The following GREB1L variants were observed in gnomAD, a reference collection of about 807,000 sequenced individuals.
GREB1L encodes GREB1 like retinoic acid receptor coactivator, also known as GREB1-like protein.
In GREB1L, 17 loss-of-function variants were observed where a neutral mutation model predicts 200.8. That is an observed-to-expected ratio of 0.08 (90% CI 0.06 to 0.13). The LOEUF is 0.13. Among genes scored for constraint, GREB1L ranks in the 10% least tolerant of loss-of-function variants. GREB1L has a pLI of 1.00. For synonymous variants in GREB1L, 789 were observed against 893.0 expected (o/e 0.88, Z 2.08); for missense variants, 1,657 against 2,367.7 (o/e 0.70, Z 6.23).
chr18:21,420,237 T>G (rs1350724546), intron 7 of GREB1L, among the ~76,000 whole-genome samples: 2 of 151,942 alleles, frequency 1.3e-5, no homozygotes, highest in Non-Finnish European at 2.9e-5. Context: ...CCAGGCATGG[T>G]GGCGGGTGCC....
At chr18:21,429,561 GCTCCTCCTTCTA>G (rs2032983114) in intron 7 of GREB1L, among the ~76,000 whole-genome samples, 1 of 151,896 alleles carries the variant, frequency 6.6e-6, no homozygotes, top group Non-Finnish European at 1.5e-5. Flanking sequence ...GTTGGGAAAT[GCTCCTCCTTCTA>G]CTTTTTGAAA....
chr18:21,469,815 A>C (rs1303456553), intron 15 of GREB1L, among the ~76,000 whole-genome samples: 1 of 152,128 alleles, frequency 6.6e-6, no homozygotes, highest in Non-Finnish European at 1.5e-5. Flanking sequence ...TTTTTCTGGT[A>C]ATTACACAAT....
At position 21,428,332 on chromosome 18, in the gene GREB1L, C is replaced by CTTTTTTTTTTT. The variant is rs59982674; in HGVS notation, c.833-11173_833-11163dup. On this transcript the variant is annotated intron_variant, in intron 7 of 32. Coordinates refer to ENST00000424526, the MANE Select transcript of GREB1L (RefSeq NM_001142966.3). The stretch of plus-strand genomic sequence containing the variant: ...TTATTTTGGGTTTTTGTCTTTTTGT[C>CTTTTTTTTTTT]TTTTTTTTTTTTTTTTTTTTTTTTT... Among the ~76,000 whole-genome samples the CTTTTTTTTTTT allele has an allele frequency of 1.5e-3, 81 of 54,032 alleles. 1 individual carries two copies. The highest frequency in any genetic ancestry group is 2.1e-3 in the Non-Finnish European group (59 of 27,982). 35.4% of individuals were successfully genotyped at this position (54,032 alleles called of 152,430 possible). A position where few individuals can be genotyped will look rare whatever the true frequency, so the allele number is the denominator to read the frequency against.
At position 21,282,266 on chromosome 18, in the gene GREB1L, C is replaced by G. The variant is rs1226932151; in HGVS notation, c.-120+39873C>G. Among the ~76,000 whole-genome samples the G allele has an allele frequency of 2.6e-5, 4 of 152,050 alleles. No homozygotes were observed. In the South Asian group the frequency reaches 6.2e-4, roughly 24 times the overall value. On this transcript the variant is annotated intron_variant, in intron 1 of 32. Transcript: ENST00000424526. ...TCCAGCCTGGGCAACAGAGCAAGAC[C>G]CCATCTCTTAAAAAAAAATTATGGT...
intron 18 of GREB1L, 69 bp from the exon 19 acceptor site, chr18:21,489,943 A>C (rs1239842954): frequency 8.8e-6 from 10 of 1,132,400 alleles, no homozygotes; most frequent in Non-Finnish European, 1.3e-5. Context: ...CTGCATTCTT[A>C]CTGCACAGGC....
intron 14 of GREB1L, among the ~76,000 whole-genome samples, chr18:21,453,544 G>A (rs1428841784): frequency 1.3e-5 from 2 of 152,228 alleles, no homozygotes; most frequent in African/African-American, 4.8e-5. Flanking sequence ...CTTTCATTGT[G>A]TGTGTGGATG....
rs140392594 is a variant in GREB1L, at chr18:21,465,883, G to A, written c.2183-7148G>A. Among the ~76,000 whole-genome samples the A allele has an allele frequency of 7.8e-4, 119 of 152,136 alleles. 2 individuals are homozygous for A. In the South Asian group the frequency reaches 0.013, roughly 17 times the overall value. On this transcript the variant is annotated intron_variant, in intron 15 of 32. Transcript: ENST00000424526. ...ATGGAAGACTGTTCCTCCCTGGTGC[G>A]CCTCCTTGATGCTAATGTCCCTCTC... is the stretch of plus-strand genomic sequence containing the variant.
chr18:21,306,354 C>CTA (rs1393551658), intron 1 of GREB1L, among the ~76,000 whole-genome samples: 1 of 152,152 alleles, frequency 6.6e-6, no homozygotes, highest in Non-Finnish European at 1.5e-5. Flanking sequence ...ATTAAGTGGT[C>CTA]TATGGGCAAG....
chr18:21,409,040 T>G (rs11662084), intron 7 of GREB1L, among the ~76,000 whole-genome samples: 45 of 152,220 alleles, frequency 3.0e-4, no homozygotes, highest in Non-Finnish European at 5.9e-4. Flanking sequence ...CCAAGAGAAA[T>G]GAAAATATAT....
chr18:21,401,407 C>T, intron 6 of GREB1L, 81 bp downstream of exon 6: 1 of 1,174,122 alleles, frequency 8.5e-7, no homozygotes, highest in Non-Finnish European at 1.2e-6. Flanking sequence ...ATTCAGAGTT[C>T]AGGTGGGATA....
intron 4 of GREB1L, among the ~76,000 whole-genome samples, chr18:21,392,944 G>C (rs1045822616): frequency 1.3e-5 from 2 of 151,802 alleles, no homozygotes; most frequent in African/African-American, 4.8e-5. Flanking sequence ...ACTAATTTTT[G>C]TATTTTTTTG....
intron 12 of GREB1L, among the ~76,000 whole-genome samples, chr18:21,450,159 A>G (rs1351003972): frequency 1.3e-5 from 2 of 152,268 alleles, no homozygotes; most frequent in Non-Finnish European, 2.9e-5. Flanking sequence ...TGATAAAGCC[A>G]GTGCCACAGG....
At chr18:21,428,424 G>A (rs1360733132) in intron 7 of GREB1L, among the ~76,000 whole-genome samples, 3 of 141,330 alleles carry the variant, frequency 2.1e-5, no homozygotes, top group African/African-American at 7.9e-5. Flanking sequence ...AGTAGAGGAA[G>A]GTCCCTTCTG....
chr18:21,518,929 G>A (rs914172561), intron 31 of GREB1L, among the ~76,000 whole-genome samples: 1 of 151,964 alleles, frequency 6.6e-6, no homozygotes, highest in Non-Finnish European at 1.5e-5. Context: ...CCTGCCAGAA[G>A]AATATTTTGG....
chr18:21,525,533 C>CAAGA lies in GREB1L; in HGVS notation c.*2713_*2716dup, dbSNP rs2037670785. ...TCAGTCACATTATAGGTTGGACAAC[C>CAAGA]AAGATTAAAGAGGTGTTGAAAACAT... On this transcript the variant is annotated 3_prime_UTR_variant, in exon 33 of 33. Coordinates refer to ENST00000424526, the MANE Select transcript of GREB1L (RefSeq NM_001142966.3). 2 of 152,108 alleles carry CAAGA rather than the reference C, an allele frequency of 1.3e-5. No homozygotes were observed. The highest frequency in any genetic ancestry group is 2.1e-4 in the South Asian group (1 of 4,824). 9.4% of individuals were successfully genotyped at this position (152,108 alleles called of 1,614,324 possible).
rs111409041 is a variant in GREB1L, at chr18:21,487,726, C to T, written c.2690+1973C>T. ...CTATGAAAAGGCAGAGTGGGCTGGG[C>T]GCGGTGGCTCATGCCTGTAATCCCA... On this transcript the variant is annotated intron_variant, in intron 18 of 32. Coordinates refer to ENST00000424526, the MANE Select transcript of GREB1L (RefSeq NM_001142966.3). Among the ~76,000 whole-genome samples the T allele has an allele frequency of 7.9e-3, 1,200 of 152,126 alleles. 20 individuals carry two copies. The highest frequency in any genetic ancestry group is 0.028 in the African/African-American group (1,156 of 41,480).
intron 7 of GREB1L, among the ~76,000 whole-genome samples, chr18:21,408,794 C>CAAAAAAA (rs58262799): frequency 1.4e-5 from 1 of 73,616 alleles, no homozygotes; most frequent in Non-Finnish European, 2.5e-5. Context: ...AATTCCATCT[C>CAAAAAAA]AAAAAAAAAA....
chr18:21,248,165 A>G (rs2037639029), intron 1 of GREB1L, among the ~76,000 whole-genome samples: 2 of 152,186 alleles, frequency 1.3e-5, no homozygotes, highest in Admixed American at 1.3e-4. Flanking sequence ...TGGAGGGGCC[A>G]AGCAGTAAAC....
At chr18:21,285,389 A>G (rs896694755) in intron 1 of GREB1L, among the ~76,000 whole-genome samples, 6 of 152,212 alleles carry the variant, frequency 3.9e-5, no homozygotes, top group African/African-American at 1.4e-4. Context: ...TAGCTCAAAT[A>G]TTATTCTTAT....
Sources: gnomAD v4.1 joint callset for allele counts (sites outside exome capture counted in the v4.1 genomes callset) on GRCh38, gnomAD v4.1.1 for gene constraint, MANE v1.5 for transcripts, NCBI Gene and HGNC (gene_info 2026-07-23, HGNC 2026-07-21) for gene names.